Variants in GRIK4 observed in about 807,000 individuals in gnomAD.
The protein encoded by GRIK4 is glutamate ionotropic receptor kainate type subunit 4.
In GRIK4, 40 loss-of-function variants were observed where a neutral mutation model predicts 104.9. That is an observed-to-expected ratio of 0.38 (90% CI 0.30 to 0.50). GRIK4 has a LOEUF of 0.50. GRIK4 is among the 20% of genes least tolerant of loss of function. The pLI, the probability that GRIK4 is intolerant of heterozygous loss-of-function variation, is 0.93. For missense variants in GRIK4, 1,047 were observed against 1,308.1 expected (o/e 0.80, Z 3.08); for synonymous variants, 485 against 524.9 (o/e 0.92, Z 1.04).
chr11:120,940,536 G>C lies in GRIK4; in HGVS notation c.1590+76G>C, dbSNP rs527572013. ...AAACACTGAGTTATACGGGAATAAT[G>C]AATGACTCATGGAAATATTTAGATT... On this transcript the variant is annotated intron_variant, in intron 14 of 20. Transcript: ENST00000527524. The surrounding 1 kb of genome is among the most constrained non-coding windows in gnomAD (Gnocchi z 4.3). The C allele has an allele frequency of 7.3e-5, 59 of 804,710 alleles. No homozygotes were observed. In the African/African-American group the frequency reaches 9.6e-4, roughly 13 times the overall value. The allele number at this position is 804,710 out of a possible 1,614,324, so 49.8% of individuals were successfully genotyped here.
At chr11:120,771,713 A>G (rs888812157) in intron 3 of GRIK4, among the ~76,000 whole-genome samples, 8 of 152,238 alleles carry the variant, frequency 5.3e-5, no homozygotes, top group Admixed American at 2.0e-4. Context: ...AGAATGACCC[A>G]TAAGACATTT....
chr11:120,663,434 C>A (rs1949853323), intron 3 of GRIK4, among the ~76,000 whole-genome samples: 1 of 152,160 alleles, frequency 6.6e-6, no homozygotes, highest in African/African-American at 2.4e-5. Flanking sequence ...TCTCCATGCA[C>A]CCATGGGCTC....
intron 1 of GRIK4, among the ~76,000 whole-genome samples, chr11:120,620,869 C>T (rs1202233874): frequency 6.6e-6 from 1 of 152,202 alleles, no homozygotes; most frequent in Admixed American, 6.5e-5. Flanking sequence ...AATACGATCT[C>T]ATTCAATCCT....
intron 3 of GRIK4, among the ~76,000 whole-genome samples, chr11:120,705,219 ATTTC>A (rs1220667458): frequency 7.1e-6 from 1 of 140,382 alleles, no homozygotes; most frequent in Non-Finnish European, 1.6e-5. Flanking sequence ...CAGCTTTTCC[ATTTC>A]TTTCTTTTCT....
At chr11:120,732,347 C>G (rs1951148230) in intron 3 of GRIK4, among the ~76,000 whole-genome samples, 1 of 152,112 alleles carries the variant, frequency 6.6e-6, no homozygotes, top group Non-Finnish European at 1.5e-5. Flanking sequence ...ATTGGCTAGC[C>G]TGGTCTTTAA....
intron 13 of GRIK4, among the ~76,000 whole-genome samples, chr11:120,912,026 G>A (rs1200766175): frequency 1.3e-5 from 2 of 152,122 alleles, no homozygotes; most frequent in Non-Finnish European, 2.9e-5. Context: ...TTTTACACAA[G>A]TTCTTTTTGT....
intron 1 of GRIK4, among the ~76,000 whole-genome samples, chr11:120,576,737 G>C (rs1193575975): frequency 6.6e-6 from 1 of 152,200 alleles, no homozygotes; most frequent in African/African-American, 2.4e-5. Flanking sequence ...AGGTAACAAG[G>C]CCACGGTCAT....
intron 1 of GRIK4, among the ~76,000 whole-genome samples, chr11:120,619,362 A>G (rs1056851203): frequency 6.6e-6 from 1 of 152,204 alleles, no homozygotes; most frequent in Admixed American, 6.5e-5. Context: ...TTACAGGCTC[A>G]TAGGCAGAAG....
At position 120,903,961 on chromosome 11, in the gene GRIK4, A is replaced by G. The variant is rs1001787371; in HGVS notation, c.1273-1329A>G. Among the ~76,000 whole-genome samples, 16 of 151,544 alleles carry G rather than the reference A, an allele frequency of 1.1e-4. No homozygotes were observed. Among genetic ancestry groups the G allele is most frequent in the African/African-American group, 3.2e-4 (13 of 41,184 alleles). ...GAGTGGCTACATCCTCTATCTTCCA[A>G]TTTCCTCCTCCTTGACGCTAAGATC... is the stretch of plus-strand genomic sequence containing the variant. On this transcript the variant is annotated intron_variant, in intron 12 of 20. Coordinates refer to ENST00000527524, the MANE Select transcript of GRIK4 (RefSeq NM_014619.5). The surrounding 1 kb of genome is among the most constrained non-coding windows in gnomAD (Gnocchi z 4.4).
intron 12 of GRIK4, among the ~76,000 whole-genome samples, chr11:120,904,933 T>C (rs577772741): frequency 6.6e-6 from 1 of 152,106 alleles, no homozygotes; most frequent in East Asian, 1.9e-4. Context: ...TCCTTATATC[T>C]CTGATAATGC....
Position 120,862,105 on chromosome 11 carries a change from C to A in GRIK4, c.891C>A (p.Pro297=), listed in dbSNP as rs1592000761. 1 of 1,613,958 alleles carries A rather than the reference C, an allele frequency of 6.2e-7. No individual in the cohort carries two copies. Among genetic ancestry groups the A allele is most frequent in the Non-Finnish European group, 8.5e-7 (1 of 1,179,950 alleles). The change falls in exon 9 of 21, where the codon CCC becomes CCA. Residue 297 remains proline, a synonymous_variant. Coordinates refer to ENST00000527524, the MANE Select transcript of GRIK4 (RefSeq NM_014619.5). ...GGCAGGAGAACTGTGACCATGTGCC[C>A]TTCACTGGGCCTGCGGTAAGTACCC... is the stretch of plus-strand genomic sequence containing the variant. ...QSWQENCDHV[P]FTGPALSSAL...
intron 7 of GRIK4, among the ~76,000 whole-genome samples, chr11:120,833,806 T>C (rs1231845253): frequency 1.4e-5 from 2 of 147,130 alleles, no homozygotes; most frequent in African/African-American, 4.9e-5. Context: ...GACACATTTT[T>C]CCCCCAAATT....
intron 18 of GRIK4, among the ~76,000 whole-genome samples, chr11:120,965,817 C>T (rs12293520): frequency 2.0e-5 from 3 of 152,156 alleles, no homozygotes; most frequent in Admixed American, 6.5e-5. Context: ...TGCAGTTCAG[C>T]GAAATCCCCA....
chr11:120,943,151 CCCCCCTGA>C (rs1338512992), intron 14 of GRIK4, among the ~76,000 whole-genome samples: 1 of 98,546 alleles, frequency 1.0e-5, no homozygotes, highest in African/African-American at 5.1e-5. Flanking sequence ...CACACACACA[CCCCCCTGA>C]CTGTTTGGTG....
chr11:120,710,718 G>C (rs1015767195), intron 3 of GRIK4, among the ~76,000 whole-genome samples: 6 of 152,240 alleles, frequency 3.9e-5, no homozygotes, highest in Admixed American at 3.9e-4. Flanking sequence ...GCTTGACCTT[G>C]AGCCTTGCAC....
chr11:120,543,479 G>A (rs1948056285), intron 1 of GRIK4, among the ~76,000 whole-genome samples: 2 of 143,904 alleles, frequency 1.4e-5, no homozygotes, highest in African/African-American at 2.6e-5. Context: ...GGAGGCTGAG[G>A]CAGGAGAATT....
intron 3 of GRIK4, among the ~76,000 whole-genome samples, chr11:120,685,997 G>A (rs779449465): frequency 1.1e-4 from 17 of 152,128 alleles, no homozygotes; most frequent in Non-Finnish European, 1.9e-4. Context: ...TTAGGCTGTA[G>A]ATTTCAGCTG....
At chr11:120,963,465 C>T (rs1241871710) in intron 18 of GRIK4, among the ~76,000 whole-genome samples, 1 of 152,186 alleles carries the variant, frequency 6.6e-6, no homozygotes, top group African/African-American at 2.4e-5. Flanking sequence ...GAATGTTCCT[C>T]CAGCCGCTTC....
At chr11:120,712,308 A>C (rs575925774) in intron 3 of GRIK4, among the ~76,000 whole-genome samples, 1 of 152,278 alleles carries the variant, frequency 6.6e-6, no homozygotes, top group South Asian at 2.1e-4. Flanking sequence ...ACAGAAAATG[A>C]GACCGGACAG....
Sources: gnomAD v4.1 joint callset for allele counts (sites outside exome capture counted in the v4.1 genomes callset) on GRCh38, gnomAD v4.1.1 for gene constraint, Gnocchi (gnomAD v3.1) non-coding constraint, MANE v1.5 for transcripts, NCBI Gene and HGNC (gene_info 2026-07-23, HGNC 2026-07-21) for gene names.